ZNF536: variants seen among roughly 807,000 people sequenced by gnomAD.
ZNF536 encodes the protein zinc finger protein 536.
ZNF536 carries 13 observed loss-of-function variants against 84.5 expected under a neutral mutation model. The ratio of observed to expected loss-of-function variants is 0.15; its 90% CI spans 0.10 to 0.24. ZNF536 has a LOEUF of 0.24. Ranked by LOEUF, ZNF536 falls within the 10% of genes least tolerant of loss-of-function variation. ZNF536 has a pLI of 1.00. For missense variants in ZNF536, 1,536 were observed against 1,747.5 expected (o/e 0.88, Z 2.16); for synonymous variants, 811 against 742.5 (o/e 1.09, Z -1.50).
intron 1 of ZNF536, among the ~76,000 whole-genome samples, chr19:30,281,274 C>T (rs995692675): frequency 2.0e-5 from 3 of 152,200 alleles, no homozygotes; most frequent in Admixed American, 2.0e-4. Context: ...CAGCCAGGGT[C>T]CACCCAGGAA....
intron 1 of ZNF536, among the ~76,000 whole-genome samples, chr19:30,708,839 A>C (rs1044175244): frequency 1.7e-4 from 26 of 152,206 alleles, no homozygotes; most frequent in African/African-American, 6.0e-4. Flanking sequence ...CTGTTTTGCT[A>C]AATAGACGCA....
At chr19:30,421,881 A>G (rs1325495757) in intron 1 of ZNF536, among the ~76,000 whole-genome samples, 2 of 152,228 alleles carry the variant, frequency 1.3e-5, no homozygotes, top group African/African-American at 2.4e-5. Context: ...GCCAGAATTT[A>G]ATAACATTGT....
At chr19:30,338,047 T>C (rs1186847534) in intron 2 of ZNF536, among the ~76,000 whole-genome samples, 7 of 150,808 alleles carry the variant, frequency 4.6e-5, no homozygotes, top group Non-Finnish European at 1.0e-4. Flanking sequence ...GTGGTGATGA[T>C]GGTGGTGATG....
chr19:30,554,934 C>T (rs2045914667), intron 4 of ZNF536: 1 of 152,190 alleles, frequency 6.6e-6, no homozygotes, highest in Non-Finnish European at 1.5e-5. Flanking sequence ...TCATCAGTGG[C>T]AGGGCCCCAT....
At chr19:30,705,566 G>A (rs766780112) in intron 1 of ZNF536, among the ~76,000 whole-genome samples, 28 of 152,206 alleles carry the variant, frequency 1.8e-4, no homozygotes, top group Non-Finnish European at 3.5e-4. Flanking sequence ...TCTGTACAAT[G>A]GAGCTGATAT....
intron 2 of ZNF536, among the ~76,000 whole-genome samples, chr19:30,532,722 G>A (rs141445147): frequency 1.3e-5 from 2 of 152,296 alleles, no homozygotes; most frequent in Non-Finnish European, 2.9e-5. Context: ...AGAAGGAGAT[G>A]GCCTTGCCAC....
At chr19:30,450,288 G>C (rs890827106) in intron 2 of ZNF536, among the ~76,000 whole-genome samples, 2 of 152,102 alleles carry the variant, frequency 1.3e-5, no homozygotes, top group East Asian at 3.9e-4. Context: ...ACTTTATACC[G>C]GAGCTCGGGG....
rs868056414 is a variant in ZNF536 at position 30,548,154 on chromosome 19, C to T, written c.2535C>T (p.Leu845=). 2 of 1,614,126 alleles carry T rather than the reference C, an allele frequency of 1.2e-6. No homozygotes were observed. The highest frequency in any genetic ancestry group is 1.7e-6 in the Non-Finnish European group (2 of 1,180,010). Residue 845 remains leucine (L), a synonymous_variant, in exon 4 of 5, where the codon CTC becomes CTT. Transcript: ENST00000355537. ...PDILRGAFKG[L]PGIDFRGGPA... ...TCCTGAGGGGGGCCTTCAAGGGTCT[C>T]CCTGGAATCGACTTCAGAGGAGGCC...
intron 1 of ZNF536, among the ~76,000 whole-genome samples, chr19:30,689,715 C>T (rs1461571062): frequency 6.6e-6 from 1 of 152,188 alleles, no homozygotes; most frequent in African/African-American, 2.4e-5. Flanking sequence ...GACAGCGTTC[C>T]CGTGTGTCCC....
At chr19:30,249,191 C>G (rs1340759737) in intron 1 of ZNF536, among the ~76,000 whole-genome samples, 2 of 152,208 alleles carry the variant, frequency 1.3e-5, no homozygotes, top group African/African-American at 2.4e-5. Context: ...AATACACAAT[C>G]TCTCTTAAAT....
chr19:30,620,029 CTTTT>C (rs35581619), intron 1 of ZNF536, among the ~76,000 whole-genome samples: 1 of 135,080 alleles, frequency 7.4e-6, no homozygotes. Flanking sequence ...TTCCTCTATG[CTTTT>C]TTTTTTTTTT....
Position 30,445,093 on chromosome 19 carries a change from A to G in ZNF536, c.1531A>G (p.Lys511Glu). Residue 511 changes from lysine to glutamate, a missense_variant, in exon 2 of 5, where the codon AAG (lysine) becomes GAG (glutamate). Lys to Glu is a moderately conservative substitution (Grantham distance 56). Transcript: ENST00000355537. This position sits in a 1 kb window ranked among gnomAD's most constrained non-coding sequence, Gnocchi z 4.5. Reference sequence around the variant, plus strand: ...CATCGAGCGGCTGCAGGCGGCTGCCAAGGCTGCGGAGATGGACCCCGTGAA... The same window carrying G: ...CATCGAGCGGCTGCAGGCGGCTGCCGAGGCTGCGGAGATGGACCCCGTGAA... ...SCIERLQAAA[K>E]AAEMDPVNSY... is the part of the protein sequence containing the mutation. The G allele has an allele frequency of 6.2e-7, 1 of 1,613,680 alleles. No individual in the cohort carries two copies. Among genetic ancestry groups the G allele is most frequent in the Non-Finnish European group, 8.5e-7 (1 of 1,180,032 alleles).
Position 30,602,731 on chromosome 19 carries a change from T to C in ZNF536, c.169+53217T>C, listed in dbSNP as rs2047733670. On this transcript the variant is annotated intron_variant, in intron 1 of 1. Coordinates refer to the ZNF536 transcript ENST00000592773. ...GGGTTTGTGCTAGCTCAGTCTCAGA[T>C]TGGGAGGATCCCAGGTGCCAGTATC... Among the ~76,000 whole-genome samples the C allele has an allele frequency of 1.3e-5, 2 of 151,992 alleles. 1 individual carries two copies. The highest frequency in any genetic ancestry group is 4.2e-4 in the South Asian group (2 of 4,810).
At chr19:30,235,048 C>T (rs146615078) in intron 1 of ZNF536, among the ~76,000 whole-genome samples, 17 of 152,262 alleles carry the variant, frequency 1.1e-4, no homozygotes, top group Non-Finnish European at 1.5e-4. Context: ...TGGGGCTCTT[C>T]GGTGTAGGTA....
chr19:30,267,866 A>ATG (rs143241147), intron 1 of ZNF536, among the ~76,000 whole-genome samples: 8 of 150,946 alleles, frequency 5.3e-5, no homozygotes, highest in African/African-American at 1.7e-4. Context: ...TTGAGTGTGT[A>ATG]TGTGTGTGTG....
intron 2 of ZNF536, among the ~76,000 whole-genome samples, chr19:30,468,478 G>T (rs1464481713): frequency 6.6e-6 from 1 of 151,984 alleles, no homozygotes; most frequent in Non-Finnish European, 1.5e-5. Flanking sequence ...TGGCCAAGTG[G>T]ATCTCCCCCG....
Position 30,557,219 on chromosome 19 carries a change from C to T in ZNF536, c.*55C>T, listed in dbSNP as rs199657953. 142 of 1,597,414 alleles carry T rather than the reference C, an allele frequency of 8.9e-5. No individual in the cohort carries two copies. The highest frequency in any genetic ancestry group is 3.0e-4 in the Admixed American group (18 of 59,446). On this transcript the variant is annotated 3_prime_UTR_variant, in exon 5 of 5. Transcript: ENST00000355537. Reference sequence around the variant, plus strand: ...CTTGCCCTTGTCTGTTCGTGGTCCTCGGTGGTTATCTGCAGCTTGTTAATC... The same window carrying T: ...CTTGCCCTTGTCTGTTCGTGGTCCTTGGTGGTTATCTGCAGCTTGTTAATC...
chr19:30,669,219 C>T (rs1223962053), intron 1 of ZNF536, among the ~76,000 whole-genome samples: 2 of 152,234 alleles, frequency 1.3e-5, no homozygotes, highest in Non-Finnish European at 2.9e-5. Flanking sequence ...ATGACACGAC[C>T]TGCAGCTGGG....
At chr19:30,436,408 C>T in intron 1 of ZNF536, 1 of 731,760 alleles carries the variant, frequency 1.4e-6, no homozygotes, top group South Asian at 6.1e-5. Context: ...CTGCCCACCC[C>T]AGTAATGTTT....
Sources: gnomAD v4.1 joint callset for allele counts (sites outside exome capture counted in the v4.1 genomes callset) on GRCh38, gnomAD v4.1.1 for gene constraint, Gnocchi (gnomAD v3.1) non-coding constraint, MANE v1.5 for transcripts, NCBI Gene and HGNC (gene_info 2026-07-23, HGNC 2026-07-21) for gene names.